Variants in DCP1B observed in about 807,000 individuals in gnomAD.
DCP1B encodes mRNA-decapping enzyme 1B.
In DCP1B, 47 loss-of-function variants were observed where a neutral mutation model predicts 60.5. The ratio of observed to expected loss-of-function variants is 0.78; its 90% confidence interval spans 0.61 to 0.99. The LOEUF (loss-of-function observed/expected upper bound fraction) is 0.99. Among genes scored for constraint, DCP1B ranks in the 50% least tolerant of loss-of-function variants. The probability of loss-of-function intolerance (pLI) is 0.00; values close to 1 mark genes in which losing one functional copy is unlikely to be tolerated. For synonymous variants in DCP1B, 267 were observed against 280.3 expected (o/e 0.95, Z 0.47); for missense variants, 725 against 756.8 (o/e 0.96, Z 0.49).
intron 5 of DCP1B, among the ~76,000 whole-genome samples, chr12:1,963,465 G>A (rs530641416): frequency 6.6e-6 from 1 of 152,350 alleles, no homozygotes; most frequent in Admixed American, 6.5e-5. Flanking sequence ...ATTTTCAGAG[G>A]AAGGAGTTGG....
chr12:1,985,935 C>T (rs902347745), intron 3 of DCP1B, among the ~76,000 whole-genome samples: 1 of 152,142 alleles, frequency 6.6e-6, no homozygotes, highest in African/African-American at 2.4e-5. Context: ...CTCAGCCTCC[C>T]AAGTAGCTGG....
intron 5 of DCP1B, 145 bp downstream of exon 5, chr12:1,965,413 A>G (rs2031259714): frequency 2.7e-5 from 29 of 1,062,214 alleles, no homozygotes; most frequent in Non-Finnish European, 2.9e-5. Context: ...TAAAAAATCT[A>G]TATTACAAAT....
rs977873482 is a variant in DCP1B at position 1,971,711 on chromosome 12, A to G, written c.320-3801T>C. Among the ~76,000 whole-genome samples the G allele has an allele frequency of 1.3e-5, 2 of 152,228 alleles. No homozygotes were observed. Among genetic ancestry groups the G allele is most frequent in the Non-Finnish European group, 2.9e-5 (2 of 68,038 alleles). On this transcript the variant is annotated intron_variant, in intron 3 of 8. Transcript: ENST00000280665. The surrounding 1 kb of genome is among the most constrained non-coding windows in gnomAD (Gnocchi z 4.2). The stretch of plus-strand genomic sequence containing the variant: ...CAGCGTCATTCAAATGTACATTTTC[A>G]TTTGTAACCCTTTGATTCTTATTAG...
At chr12:1,987,988 T>C (rs2038292544) in intron 3 of DCP1B, among the ~76,000 whole-genome samples, 8 of 152,200 alleles carry the variant, frequency 5.3e-5, no homozygotes, top group Admixed American at 3.3e-4. Context: ...TTTTCTTGGA[T>C]ACCATTCCTG....
In DCP1B at chr12:1,949,173, C is replaced by T. The variant is rs755719334; in HGVS notation, c.1686G>A (p.Leu562=). 3 of 1,614,150 alleles carry T rather than the reference C, an allele frequency of 1.9e-6. No homozygotes were observed. Among genetic ancestry groups the T allele is most frequent in the Non-Finnish European group, 2.5e-6 (3 of 1,180,022 alleles). Reference sequence around the variant, plus strand: ...CGGAGGGCTCCGGGCTCTGTATGGGCAGGAGGAGGCTGGTGGCAGCAGCAG... The same window carrying T: ...CGGAGGGCTCCGGGCTCTGTATGGGTAGGAGGAGGCTGGTGGCAGCAGCAG... The part of the protein sequence containing the change: ...EPPAAATSLL[L]PIQSPEPSVI... The change falls in exon 8 of 9, where the codon CTG becomes CTA. Residue 562 remains leucine (L), a synonymous_variant. Coordinates refer to ENST00000280665, the MANE Select transcript of DCP1B (RefSeq NM_152640.5).
intron 5 of DCP1B, among the ~76,000 whole-genome samples, chr12:1,957,374 CAA>C (rs1240094570): frequency 1.3e-5 from 2 of 151,980 alleles, no homozygotes; most frequent in African/African-American, 2.4e-5. Flanking sequence ...GTATTTATGC[CAA>C]GAGAGATGTT....
At chr12:2,002,701 GAAC>G (rs2042447910) in intron 1 of DCP1B, among the ~76,000 whole-genome samples, 1 of 152,126 alleles carries the variant, frequency 6.6e-6, no homozygotes, top group Non-Finnish European at 1.5e-5. Flanking sequence ...TCAACTTACA[GAAC>G]TATACATCCC....
chr12:1,955,882 G>T (rs1364888887), intron 5 of DCP1B, among the ~76,000 whole-genome samples: 1 of 152,126 alleles, frequency 6.6e-6, no homozygotes, highest in Non-Finnish European at 1.5e-5. Context: ...AATATATATA[G>T]TCTAATGTCT....
chr12:1,993,250 T>G lies in DCP1B; in HGVS notation c.319+14A>C, dbSNP rs781301740. 5 of 1,613,922 alleles carry G rather than the reference T, an allele frequency of 3.1e-6. No homozygotes were observed. In the African/African-American group the frequency reaches 6.7e-5, roughly 22 times the overall value. ...TCAGAAGTAAAACAACCCACTGTAG[T>G]AAGAAAGACTCACATCTGGCATTTC... On this transcript the variant is annotated intron_variant, in intron 3 of 8. Coordinates refer to ENST00000280665, the MANE Select transcript of DCP1B (RefSeq NM_152640.5).
chr12:1,981,275 A>G (rs2036047488), intron 3 of DCP1B, among the ~76,000 whole-genome samples: 1 of 152,240 alleles, frequency 6.6e-6, no homozygotes, highest in South Asian at 2.1e-4. Context: ...CCTAATGGCT[A>G]ATGCTCCAAA....
At chr12:1,987,003 T>TG (rs113437770) in intron 3 of DCP1B, among the ~76,000 whole-genome samples, 4,163 of 152,172 alleles carry the variant, frequency 0.027, 96 homozygotes, top group Middle Eastern at 0.054. Flanking sequence ...GGAATAGAAG[T>TG]GGGGATAGAA....
chr12:1,998,844 A>T (rs1182594732), intron 1 of DCP1B, among the ~76,000 whole-genome samples: 2 of 152,250 alleles, frequency 1.3e-5, no homozygotes, highest in Non-Finnish European at 2.9e-5. Flanking sequence ...GTTTAATTTC[A>T]GCATTCTATT....
Position 1,948,439 on chromosome 12 carries a change from A to T in DCP1B, c.1773+647T>A, listed in dbSNP as rs951778394. On this transcript the variant is annotated intron_variant, in intron 8 of 8. Coordinates refer to ENST00000280665, the MANE Select transcript of DCP1B (RefSeq NM_152640.5). This position sits in a 1 kb window ranked among gnomAD's most constrained non-coding sequence, Gnocchi z 4.8. ...AACAGGGTTGTTATGTAAGGAGTGA[A>T]TGAGTTATATGCTTGTGTGTAGCAC... Among the ~76,000 whole-genome samples, 3 of 152,188 alleles carry T rather than the reference A, an allele frequency of 2.0e-5. No individual in the cohort carries two copies. Among genetic ancestry groups the T allele is most frequent in the African/African-American group, 7.2e-5 (3 of 41,446 alleles).
chr12:1,948,361 G>T lies in DCP1B; in HGVS notation c.1773+725C>A, dbSNP rs1222130154. ...AGCCCTGCTTATGTACGAGCTCCGT[G>T]CCTCAGGCCAGTTGCTCAGCCTCAG... is the stretch of plus-strand genomic sequence containing the variant. On this transcript the variant is annotated intron_variant, in intron 8 of 8. Coordinates refer to ENST00000280665, the MANE Select transcript of DCP1B (RefSeq NM_152640.5). The surrounding 1 kb of genome is among the most constrained non-coding windows in gnomAD (Gnocchi z 4.8). Among the ~76,000 whole-genome samples, 1 of 152,224 alleles carries T rather than the reference G, an allele frequency of 6.6e-6. No homozygotes were observed. The highest frequency in any genetic ancestry group is 1.5e-5 in the Non-Finnish European group (1 of 68,050).
At chr12:1,990,034 C>G (rs942642419) in intron 3 of DCP1B, among the ~76,000 whole-genome samples, 1 of 152,158 alleles carries the variant, frequency 6.6e-6, no homozygotes, top group Non-Finnish European at 1.5e-5. Context: ...AAACTTGGCT[C>G]AAATGCATTA....
intron 7 of DCP1B, 28 bp from the exon 8 acceptor site, chr12:1,949,362 C>T (rs750093331): frequency 3.1e-6 from 5 of 1,607,446 alleles, no homozygotes; most frequent in East Asian, 2.2e-5. Flanking sequence ...ACACAGAGAG[C>T]GGGGTTCAGG....
chr12:1,944,588 A>G (rs1053067783), downstream of DCP1B, among the ~76,000 whole-genome samples: 1 of 152,224 alleles, frequency 6.6e-6, no homozygotes. Flanking sequence ...AAACAGATAT[A>G]CAGACCAAGG....
intron 3 of DCP1B, among the ~76,000 whole-genome samples, chr12:1,983,225 G>GTT (rs57856032): frequency 0.034 from 5,133 of 150,916 alleles, 256 homozygotes; most frequent in African/African-American, 0.1. Context: ...TCTCTAAACA[G>GTT]TTTTTTTGTT....
chr12:1,982,539 A>ATG (rs1467226370), intron 3 of DCP1B, among the ~76,000 whole-genome samples: 5 of 62,678 alleles, frequency 8.0e-5, no homozygotes, highest in Non-Finnish European at 1.2e-4. Context: ...GTTGTACTAT[A>ATG]TATATAATTT....
Sources: allele counts gnomAD v4.1 joint callset (sites outside exome capture counted in the v4.1 genomes callset), GRCh38; gene constraint gnomAD v4.1.1; non-coding constraint Gnocchi (gnomAD v3.1); transcripts MANE v1.5; gene names NCBI Gene and HGNC (gene_info 2026-07-23, HGNC 2026-07-21).